The following OXCT1 variants were observed in gnomAD, a reference collection of about 807,000 sequenced individuals.
The protein encoded by OXCT1 is succinyl-CoA:3-ketoacid coenzyme A transferase 1, mitochondrial.
In OXCT1, 27 loss-of-function variants were observed where a neutral mutation model predicts 69.6. The observed-to-expected ratio is 0.39, with a 90% CI of 0.29 to 0.54. The LOEUF (loss-of-function observed/expected upper bound fraction) is 0.54. Among genes scored for constraint, OXCT1 ranks in the 20% least tolerant of loss-of-function variants. The pLI is 0.72. For synonymous variants in OXCT1, 202 were observed against 217.8 expected (o/e 0.93, Z 0.64); for missense variants, 437 against 650.2 (o/e 0.67, Z 3.57).
intron 15 of OXCT1, among the ~76,000 whole-genome samples, chr5:41,746,547 T>G (rs1288674554): frequency 6.6e-6 from 1 of 152,114 alleles, no homozygotes; most frequent in Non-Finnish European, 1.5e-5. Context: ...AACCTTCCTT[T>G]CTTTAACGTA....
intron 7 of OXCT1, among the ~76,000 whole-genome samples, chr5:41,821,378 T>A (rs1481834643): frequency 1.3e-5 from 2 of 152,232 alleles, no homozygotes; most frequent in East Asian, 3.8e-4. Flanking sequence ...AATCAGAGCA[T>A]GAACAAGTCT....
intron 14 of OXCT1, among the ~76,000 whole-genome samples, chr5:41,755,246 C>G (rs1304811249): frequency 6.6e-6 from 1 of 151,944 alleles, no homozygotes; most frequent in Non-Finnish European, 1.5e-5. Context: ...AAGAGTTTTA[C>G]TAGTTGTTGG....
chr5:41,776,813 T>C (rs143708460), intron 13 of OXCT1, among the ~76,000 whole-genome samples: 205 of 152,330 alleles, frequency 1.3e-3, no homozygotes, highest in Middle Eastern at 3.4e-3. Context: ...CAATTCATTA[T>C]GTTGATAAGC....
chr5:41,843,482 T>C lies in OXCT1; in HGVS notation c.565-701A>G. The C allele has an allele frequency of 6.6e-6, 3 of 453,822 alleles. No homozygotes were observed. In the Admixed American group the frequency reaches 7.1e-5, roughly 11 times the overall value. 28.1% of individuals were successfully genotyped at this position (453,822 alleles called of 1,614,324 possible). ...CTATCTACTCTTCTGACATTACTGA[T>C]CTAGGGAATGCTATTGATTTTTATT... On this transcript the variant is annotated intron_variant, in intron 5 of 16. Coordinates refer to ENST00000196371, the MANE Select transcript of OXCT1 (RefSeq NM_000436.4).
chr5:41,774,222 T>C (rs1745015336), intron 13 of OXCT1, among the ~76,000 whole-genome samples: 2 of 152,212 alleles, frequency 1.3e-5, no homozygotes, highest in Non-Finnish European at 2.9e-5. Context: ...GGAGTTACTT[T>C]TTTCCTCTAT....
chr5:41,751,956 A>G (rs537571129), intron 14 of OXCT1, among the ~76,000 whole-genome samples: 1 of 152,270 alleles, frequency 6.6e-6, no homozygotes, highest in East Asian at 1.9e-4. Context: ...TCACAATTTC[A>G]ATATTCAATA....
intron 13 of OXCT1, among the ~76,000 whole-genome samples, chr5:41,776,984 C>T (rs1745154650): frequency 6.6e-6 from 1 of 152,098 alleles, no homozygotes; most frequent in Non-Finnish European, 1.5e-5. Flanking sequence ...AAATGATGTA[C>T]CATTTCTATT....
intron 8 of OXCT1, 145 bp downstream of exon 8, chr5:41,807,186 T>A (rs1277546517): frequency 5.9e-6 from 4 of 673,394 alleles, no homozygotes; most frequent in Non-Finnish European, 8.1e-6. Context: ...ATCCCCATGA[T>A]GATAGACACA....
At chr5:41,750,414 G>C (rs1446636509) in intron 14 of OXCT1, among the ~76,000 whole-genome samples, 1 of 151,874 alleles carries the variant, frequency 6.6e-6, no homozygotes, top group Non-Finnish European at 1.5e-5. Flanking sequence ...TTGAAACATT[G>C]GCTCTGAGGA....
intron 7 of OXCT1, among the ~76,000 whole-genome samples, chr5:41,838,520 T>C (rs1411970289): frequency 6.6e-6 from 1 of 152,198 alleles, no homozygotes; most frequent in African/African-American, 2.4e-5. Flanking sequence ...TAAAACTTCC[T>C]GCAATGATAA....
At chr5:41,739,570 C>T (rs1186466343) in intron 15 of OXCT1, 79 bp from the exon 16 acceptor site, 8 of 1,147,534 alleles carry the variant, frequency 7.0e-6, no homozygotes, top group Non-Finnish European at 9.2e-6. Context: ...GAAATAACCT[C>T]GCAAGTTCGA....
chr5:41,789,094 G>A (rs1745791728), intron 13 of OXCT1, among the ~76,000 whole-genome samples: 1 of 152,186 alleles, frequency 6.6e-6, no homozygotes, highest in Non-Finnish European at 1.5e-5. Flanking sequence ...TTTGTAGGAT[G>A]TTACTTGCTT....
intron 1 of OXCT1, chr5:41,869,988 G>GTAGTGTAGAT: frequency 2.2e-6 from 1 of 455,112 alleles, no homozygotes; most frequent in Non-Finnish European, 4.1e-6. Context: ...GCGCCAAAGG[G>GTAGTGTAGAT]CTCGGGAGCG....
intron 4 of OXCT1, among the ~76,000 whole-genome samples, chr5:41,852,154 G>A (rs970006025): frequency 6.6e-6 from 1 of 152,188 alleles, no homozygotes; most frequent in African/African-American, 2.4e-5. Context: ...CCACCAGTCT[G>A]TGATATTTTG....
intron 7 of OXCT1, among the ~76,000 whole-genome samples, chr5:41,823,450 T>C (rs1473789140): frequency 6.6e-6 from 1 of 152,144 alleles, no homozygotes; most frequent in Non-Finnish European, 1.5e-5. Context: ...AATTCATCAA[T>C]TACAGTTTGA....
intron 1 of OXCT1, among the ~76,000 whole-genome samples, chr5:41,867,392 A>C (rs1376228867): frequency 1.3e-5 from 2 of 152,236 alleles, no homozygotes; most frequent in East Asian, 1.9e-4. Context: ...GTAGTCATTA[A>C]ATAATTACAA....
chr5:41,768,674 T>G (rs1201738176), intron 13 of OXCT1, among the ~76,000 whole-genome samples: 1 of 152,138 alleles, frequency 6.6e-6, no homozygotes, highest in Non-Finnish European at 1.5e-5. Flanking sequence ...GCTTGACCTT[T>G]TCTCATCCTA....
At chr5:41,846,100 T>C (rs1748889494) in intron 5 of OXCT1, among the ~76,000 whole-genome samples, 2 of 151,982 alleles carry the variant, frequency 1.3e-5, no homozygotes, top group South Asian at 4.1e-4. Flanking sequence ...AGTCTTCTCT[T>C]TATTTATTTA....
At chr5:41,795,827 C>T (rs1043491741) in intron 11 of OXCT1, among the ~76,000 whole-genome samples, 2 of 151,964 alleles carry the variant, frequency 1.3e-5, no homozygotes, top group Admixed American at 6.6e-5. Flanking sequence ...TCACATTACA[C>T]GTCTTAAATA....
Sources: gnomAD v4.1 joint callset for allele counts (sites outside exome capture counted in the v4.1 genomes callset) on GRCh38, gnomAD v4.1.1 for gene constraint, MANE v1.5 for transcripts, NCBI Gene and HGNC (gene_info 2026-07-23, HGNC 2026-07-21) for gene names.